Variants in ABCA13 observed in about 807,000 individuals in gnomAD.
The protein encoded by ABCA13 is ATP binding cassette subfamily A member 13, also known as ATP-binding cassette sub-family A member 13.
In ABCA13, 476 loss-of-function variants were observed where a neutral mutation model predicts 478.7. That is an observed-to-expected ratio of 0.99 (90% confidence interval 0.92 to 1.07). The LOEUF (loss-of-function observed/expected upper bound fraction) is 1.07, where lower values mean the gene tolerates loss of function less well. Among genes scored for constraint, ABCA13 ranks in the 50% least tolerant of loss-of-function variants. The probability of loss-of-function intolerance (pLI) is 0.00; values close to 1 mark genes in which losing one functional copy is unlikely to be tolerated. For missense variants in ABCA13, 6,060 were observed against 5,910.6 expected, an observed-to-expected ratio of 1.03 and a Z score of -0.83; for synonymous variants, 2,252 against 2,158.9, an observed-to-expected ratio of 1.04 and a Z score of -1.20.
intron 53 of ABCA13, among the ~76,000 whole-genome samples, chr7:48,523,375 T>G (rs1832684673): frequency 6.6e-6 from 1 of 152,076 alleles, no homozygotes; most frequent in Non-Finnish European, 1.5e-5. Flanking sequence ...TTTAATACCT[T>G]TTTTATTTTG....
In ABCA13 at chr7:48,274,823, C is replaced by T. The variant is rs748658106; in HGVS notation, c.5157C>T (p.Ser1719=). The part of the protein sequence containing the change: ...LVGLMEKFAD[S]SHSWNVNHLL... ...GCTTGATGGAAAAATTTGCAGACAGCTCACATTCTTGGAATGTTAATCATC... is the reference window on the plus strand; with the variant it reads ...GCTTGATGGAAAAATTTGCAGACAGTTCACATTCTTGGAATGTTAATCATC... The change falls in exon 17 of 62, where the codon AGC becomes AGT. Residue 1719 remains serine (S), a synonymous_variant. Transcript: ENST00000435803. 5 of 1,613,936 alleles carry T rather than the reference C, an allele frequency of 3.1e-6. No individual in the cohort carries two copies. The South Asian group carries it at 4.4e-5, about 14-fold the overall frequency.
chr7:48,233,809 T>A (rs1446030762), intron 7 of ABCA13, among the ~76,000 whole-genome samples: 1 of 152,256 alleles, frequency 6.6e-6, no homozygotes, highest in African/African-American at 2.4e-5. Flanking sequence ...TTGCAACCAT[T>A]TGTGCCAGGG....
At chr7:48,176,241 G>A (rs761294235) in intron 1 of ABCA13, among the ~76,000 whole-genome samples, 17 of 152,176 alleles carry the variant, frequency 1.1e-4, no homozygotes, top group Non-Finnish European at 2.5e-4. Flanking sequence ...TATCCTGTAA[G>A]TGATACCAGC....
At chr7:48,420,216 G>T (rs1359235415) in intron 41 of ABCA13, among the ~76,000 whole-genome samples, 1 of 152,112 alleles carries the variant, frequency 6.6e-6, no homozygotes, top group Non-Finnish European at 1.5e-5. Context: ...TTCTAAACTG[G>T]AATACACTTA....
At chr7:48,502,801 A>G (rs1830871206) in intron 48 of ABCA13, among the ~76,000 whole-genome samples, 1 of 152,184 alleles carries the variant, frequency 6.6e-6, no homozygotes, top group Admixed American at 6.5e-5. Context: ...CAAATAGTCT[A>G]ATGTCCTAAA....
Position 48,271,932 on chromosome 7 carries a change from A to G in ABCA13, c.2266A>G (p.Ser756Gly). 6.2e-7 allele frequency: 1 copy of G among 1,613,582 alleles called. No homozygotes were observed. Among genetic ancestry groups the G allele is most frequent in the Admixed American group, 1.7e-5 (1 of 59,968 alleles). The change falls in exon 17 of 62, where the codon AGT becomes GGT. Residue 756 changes from serine to glycine, a missense_variant. Physicochemically the swap from Ser to Gly is moderately conservative, Grantham distance 56. Coordinates refer to ENST00000435803, the MANE Select transcript of ABCA13 (RefSeq NM_152701.5). The stretch of plus-strand genomic sequence containing the variant: ...TCTTTTTGACTCCTCCATTGTTCCC[A>G]GTTTCCACAGCCTCCCATCTCTCAC... Reference protein sequence around the residue: ...PNLFDSSIVPSFHSLPSLTED... With the variant: ...PNLFDSSIVPGFHSLPSLTED...
rs762197437 is a variant in ABCA13 at position 48,239,425 on chromosome 7, T to C, written c.1062+20T>C. 1.3e-6 allele frequency: 2 copies of C among 1,599,252 alleles called. No homozygotes were observed. The highest frequency in any genetic ancestry group is 1.7e-6 in the Non-Finnish European group (2 of 1,172,502). ...CAACAGGTGCTGTCCCCTCTCTCTA[T>C]GTTCTGTTCAAAGGTGTGCCAGTTT... On this transcript the variant is annotated intron_variant, in intron 9 of 61. Transcript: ENST00000435803.
intron 55 of ABCA13, among the ~76,000 whole-genome samples, chr7:48,568,638 T>G (rs1322524341): frequency 1.3e-5 from 2 of 151,870 alleles, no homozygotes; most frequent in African/African-American, 4.8e-5. Context: ...AGCTTGGGAA[T>G]TTTTTTTCTC....
rs765146991 is a variant in ABCA13, at chr7:48,646,241, A to G, written c.*729A>G. 3.9e-5 allele frequency: 6 copies of G among 152,152 alleles called. No individual in the cohort carries two copies. Among genetic ancestry groups the G allele is most frequent in the Non-Finnish European group, 4.4e-5 (3 of 68,030 alleles). 9.4% of individuals were successfully genotyped at this position (152,152 alleles called of 1,614,324 possible). ...ATGAGGGTAGAGAAATAAAATGTAG[A>G]TGCATTTTCTTTTTCTTCATTTGGA... On this transcript the variant is annotated 3_prime_UTR_variant, in exon 62 of 62. Transcript: ENST00000435803.
chr7:48,438,099 G>A (rs907274427), intron 42 of ABCA13, among the ~76,000 whole-genome samples: 3 of 152,014 alleles, frequency 2.0e-5, no homozygotes, highest in Non-Finnish European at 2.9e-5. Flanking sequence ...ATTCTTGTGT[G>A]CTTGCTGAAT....
intron 29 of ABCA13, among the ~76,000 whole-genome samples, chr7:48,345,041 A>G (rs1159234108): frequency 6.6e-6 from 1 of 152,198 alleles, no homozygotes; most frequent in African/African-American, 2.4e-5. Context: ...ATCTGCATAC[A>G]TGATGATGTT....
intron 55 of ABCA13, among the ~76,000 whole-genome samples, chr7:48,540,334 A>G (rs1833869324): frequency 6.6e-6 from 1 of 152,150 alleles, no homozygotes; most frequent in Admixed American, 6.5e-5. Flanking sequence ...TAATTGGAAA[A>G]TGAAATTCAA....
chr7:48,328,571 G>A (rs1485221913), intron 27 of ABCA13, among the ~76,000 whole-genome samples: 1 of 152,040 alleles, frequency 6.6e-6, no homozygotes, highest in Non-Finnish European at 1.5e-5. Flanking sequence ...CAAACCCTCA[G>A]ATGAGCATAG....
At chr7:48,477,525 T>C (rs1164709611) in intron 45 of ABCA13, among the ~76,000 whole-genome samples, 1 of 151,730 alleles carries the variant, frequency 6.6e-6, no homozygotes, top group Non-Finnish European at 1.5e-5. Context: ...ATTAAGAAAA[T>C]GTGGCACATA....
At chr7:48,349,099 C>T (rs1336558993) in intron 29 of ABCA13, among the ~76,000 whole-genome samples, 3 of 152,198 alleles carry the variant, frequency 2.0e-5, no homozygotes, top group African/African-American at 4.8e-5. Flanking sequence ...TATAAGGGTT[C>T]AGTGAGACAA....
chr7:48,431,673 G>A (rs571102276), intron 42 of ABCA13, among the ~76,000 whole-genome samples: 21 of 151,986 alleles, frequency 1.4e-4, no homozygotes, highest in Admixed American at 9.8e-4. Flanking sequence ...ATGTCTTTGC[G>A]GGCTCTGTTA....
intron 42 of ABCA13, among the ~76,000 whole-genome samples, chr7:48,440,253 G>T (rs543946013): frequency 6.6e-6 from 1 of 152,104 alleles, no homozygotes; most frequent in South Asian, 2.1e-4. Context: ...ACTTCAGCAG[G>T]CACCCTCACA....
chr7:48,634,831 C>A (rs1412771695), intron 59 of ABCA13, among the ~76,000 whole-genome samples: 1 of 152,178 alleles, frequency 6.6e-6, no homozygotes, highest in African/African-American at 2.4e-5. Context: ...GTTGTCCCTT[C>A]ATTTTCATTC....
At chr7:48,517,117 C>T (rs1832185490) in intron 52 of ABCA13, among the ~76,000 whole-genome samples, 1 of 152,220 alleles carries the variant, frequency 6.6e-6, no homozygotes, top group Non-Finnish European at 1.5e-5. Context: ...GTTTCGGCCA[C>T]TCCATTCTTG....
Sources: gnomAD v4.1 joint callset for allele counts (sites outside exome capture counted in the v4.1 genomes callset) on GRCh38, gnomAD v4.1.1 for gene constraint, MANE v1.5 for transcripts, NCBI Gene and HGNC (gene_info 2026-07-23, HGNC 2026-07-21) for gene names.